RNF215: variants seen among roughly 807,000 people sequenced by gnomAD.
RNF215 encodes the protein ring finger protein 215.
RNF215 carries 41 observed loss-of-function variants against 44.8 expected under a neutral mutation model. That is an observed-to-expected ratio of 0.92 (90% CI 0.71 to 1.19). The LOEUF (loss-of-function observed/expected upper bound fraction) is 1.19, where lower values mean the gene tolerates loss of function less well. Among genes scored for constraint, RNF215 ranks in the 50% most tolerant of loss-of-function variants. The pLI, the probability that RNF215 is intolerant of heterozygous loss-of-function variation, is 0.00. For synonymous variants in RNF215, 218 were observed against 230.1 expected (o/e 0.95, Z 0.48); for missense variants, 452 against 496.2 (o/e 0.91, Z 0.85).
chr22:30,379,924 C>T (rs1469833602), intron 7 of RNF215, 111 bp from the exon 8 acceptor site: 4 of 1,522,956 alleles, frequency 2.6e-6, no homozygotes, highest in Non-Finnish European at 2.7e-6. Context: ...CACGGCTTCC[C>T]CCACCCCCCT....
intron 5 of RNF215, among the ~76,000 whole-genome samples, chr22:30,383,319 C>T (rs1390546835): frequency 6.6e-6 from 1 of 152,176 alleles, no homozygotes; most frequent in African/African-American, 2.4e-5. Context: ...CAGCCAGACC[C>T]ACCTGCAGAC....
intron 1 of RNF215, 128 bp from the exon 2 acceptor site, chr22:30,386,887 G>A: frequency 1.4e-6 from 2 of 1,479,154 alleles, no homozygotes; most frequent in Non-Finnish European, 1.8e-6. Context: ...AAGCCGGAAT[G>A]CTGGGGGCCT....
At chr22:30,381,233 C>T (rs1933525741) in intron 5 of RNF215, among the ~76,000 whole-genome samples, 1 of 152,230 alleles carries the variant, frequency 6.6e-6, no homozygotes, top group Non-Finnish European at 1.5e-5. Flanking sequence ...TTGCAGCTGC[C>T]CTTGGGGGTC....
rs1933607416 is a variant in RNF215 at position 30,386,817 on chromosome 22, G to C, written c.286-58C>G. 3 of 1,561,850 alleles carry C rather than the reference G, an allele frequency of 1.9e-6. No individual in the cohort carries two copies. The African/African-American group carries it at 4.0e-5, about 21-fold the overall frequency. ...TAGGGTGTGGTGGGGGAGGGAGCCG[G>C]GGTCATCACAGTGGATGCCAAGGCC... On this transcript the variant is annotated intron_variant, in intron 1 of 8. Coordinates refer to ENST00000382363, the MANE Select transcript of RNF215 (RefSeq NM_001017981.2).
rs988567507 is a variant in RNF215 at position 30,384,613 on chromosome 22, C to T, written c.588-118G>A. The T allele has an allele frequency of 4.6e-6, 4 of 862,106 alleles. No homozygotes were observed. The South Asian group carries it at 7.1e-5, about 15-fold the overall frequency. 53.4% of individuals were successfully genotyped at this position (862,106 alleles called of 1,614,324 possible). A position where few individuals can be genotyped will look rare whatever the true frequency, so the allele number is the denominator to read the frequency against. On this transcript the variant is annotated intron_variant, in intron 4 of 8. Transcript: ENST00000382363. ...ACGACTGTCGCCCCTGCTGGCCTTA[C>T]ACTTTGCCCCAGGCCTTTTCCCTCT...
chr22:30,380,463 T>G lies in RNF215; in HGVS notation c.745-62A>C. Reference sequence around the variant, plus strand: ...CCCCCACACGCCTCCCTTAGGAACATCTACCCCCAGGAACGCCAGGGAGCA... The same window carrying G: ...CCCCCACACGCCTCCCTTAGGAACAGCTACCCCCAGGAACGCCAGGGAGCA... On this transcript the variant is annotated intron_variant, in intron 5 of 8. Transcript: ENST00000382363. This position sits in a 1 kb window ranked among gnomAD's most constrained non-coding sequence, Gnocchi z 5.3. 6.5e-7 allele frequency: 1 copy of G among 1,531,526 alleles called. No individual in the cohort carries two copies. The highest frequency in any genetic ancestry group is 8.8e-7 in the Non-Finnish European group (1 of 1,138,322). 94.9% of individuals were successfully genotyped at this position (1,531,526 alleles called of 1,614,324 possible).
In RNF215 at chr22:30,387,308, GC is replaced by G; in HGVS notation, c.5del (p.Gly2AlafsTer8). 9.4e-7 allele frequency: 1 copy of G among 1,064,446 alleles called. No individual in the cohort carries two copies. The highest frequency in any genetic ancestry group is 1.1e-6 in the Non-Finnish European group (1 of 882,904). The allele number at this position is 1,064,446 out of a possible 1,614,324, so 65.9% of individuals were successfully genotyped here. ...ATCTCAGCGCGGGGCGAGCGGCGGGGCCCATGGCCGGACCCGGCGAGCTGGC... is the reference window on the plus strand; with the variant it reads ...ATCTCAGCGCGGGGCGAGCGGCGGGGCCATGGCCGGACCCGGCGAGCTGGC... M[G>X]PAARPALRSP... On this transcript the variant is annotated frameshift_variant, in exon 1 of 9. Transcript: ENST00000382363. LOFTEE classifies it high-confidence loss of function.
chr22:30,384,544 A>G (rs749802748), intron 4 of RNF215, 49 bp from the exon 5 acceptor site: 1 of 1,571,004 alleles, frequency 6.4e-7, no homozygotes, highest in Non-Finnish European at 8.7e-7. Context: ...TTGGGAAGGG[A>G]GGCCCAGACC....
chr22:30,380,378 G>A lies in RNF215; in HGVS notation c.768C>T (p.Asn256=), dbSNP rs146081853. The part of the protein sequence containing the change: ...QEQKPLQQLW[N]AILLVAMLLC... The stretch of plus-strand genomic sequence containing the variant: ...GGAGCATGGCCACCAGCAGGATGGC[G>A]TTCCACAGCTGCTGCAGGGGTTTCT... The change falls in exon 6 of 9, where the codon AAC becomes AAT. Residue 256 remains asparagine (N), a synonymous_variant. Transcript: ENST00000382363. This position sits in a 1 kb window ranked among gnomAD's most constrained non-coding sequence, Gnocchi z 5.3. The A allele has an allele frequency of 4.3e-5, 69 of 1,608,314 alleles. No homozygotes were observed. Among genetic ancestry groups the A allele is most frequent in the Non-Finnish European group, 5.3e-5 (62 of 1,176,626 alleles).
At chr22:30,386,800 G>GACA in intron 1 of RNF215, 41 bp from the exon 2 acceptor site, 1 of 1,581,954 alleles carries the variant, frequency 6.3e-7, no homozygotes, top group Non-Finnish European at 8.6e-7. Flanking sequence ...GGTAGGGTGT[G>GACA]GTGGGGGAGG....
intron 5 of RNF215, among the ~76,000 whole-genome samples, chr22:30,381,504 G>A (rs1401725394): frequency 2.6e-5 from 4 of 152,194 alleles, no homozygotes; most frequent in East Asian, 1.9e-4. Flanking sequence ...ATGGCGCAGC[G>A]GAGTAAGCAA....
intron 4 of RNF215, 48 bp downstream of exon 4, chr22:30,385,856 G>T (rs543626516): frequency 4.0e-5 from 63 of 1,561,768 alleles, no homozygotes; most frequent in Admixed American, 6.7e-5. Flanking sequence ...AGAACCAGGG[G>T]CTCTCTGTAC....
intron 1 of RNF215, 96 bp from the exon 2 acceptor site, chr22:30,386,855 G>C: frequency 1.3e-6 from 2 of 1,507,222 alleles, no homozygotes; most frequent in Admixed American, 4.1e-5. Flanking sequence ...AGTTCCCAGA[G>C]CATCTGGCTC....
At position 30,378,879 on chromosome 22, in the gene RNF215, TAAAAAAAAA is replaced by T. The variant is rs397769011; in HGVS notation, c.*712_*720del. The T allele has an allele frequency of 8.8e-6, 1 of 113,182 alleles. No homozygotes were observed. Among genetic ancestry groups the T allele is most frequent in the African/African-American group, 3.4e-5 (1 of 29,272 alleles). 7.0% of individuals were successfully genotyped at this position (113,182 alleles called of 1,614,324 possible). A position where few individuals can be genotyped will look rare whatever the true frequency, so the allele number is the denominator to read the frequency against. On this transcript the variant is annotated 3_prime_UTR_variant, in exon 9 of 9. Coordinates refer to ENST00000382363, the MANE Select transcript of RNF215 (RefSeq NM_001017981.2). ...TTAAACCTTCCCTACTCCAACTCTT[TAAAAAAAAA>T]AAAAAAAAAAAAAAAGGATGCCCCT...
chr22:30,380,079 A>G lies in RNF215; in HGVS notation c.991T>C (p.Tyr331His). Residue 331 changes from tyrosine (Y) to histidine (H), a missense_variant, in exon 7 of 9, where the codon TAC (tyrosine) becomes CAC (histidine). Tyr to His is a moderately conservative substitution (Grantham distance 83, BLOSUM62 2). Coordinates refer to ENST00000382363, the MANE Select transcript of RNF215 (RefSeq NM_001017981.2). The surrounding 1 kb of genome is among the most constrained non-coding windows in gnomAD (Gnocchi z 5.3). ...GAETCAVCLD[Y>H]FCNKQWLRVL... ...GCACTAGCCTGTTTGTTGCAGAAGT[A>G]GTCCAGGCACACCGCACAGGTCTCA... 6.2e-7 allele frequency: 1 copy of G among 1,613,874 alleles called. No individual in the cohort carries two copies. Among genetic ancestry groups the G allele is most frequent in the South Asian group, 1.1e-5 (1 of 91,076 alleles).
At chr22:30,385,715 G>A (rs1380816166) in intron 4 of RNF215, among the ~76,000 whole-genome samples, 189 bp downstream of exon 4, 1 of 151,350 alleles carries the variant, frequency 6.6e-6, no homozygotes, top group African/African-American at 2.4e-5. Context: ...AACCTGGAAG[G>A]CAGAGGTTCC....
rs771023710 is a variant in RNF215 at position 30,380,035 on chromosome 22, T to C, written c.1008+27A>G. The C allele has an allele frequency of 6.2e-7, 1 of 1,612,708 alleles. No homozygotes were observed. The highest frequency in any genetic ancestry group is 8.5e-7 in the Non-Finnish European group (1 of 1,179,058). On this transcript the variant is annotated intron_variant, in intron 7 of 8. Transcript: ENST00000382363. This position sits in a 1 kb window ranked among gnomAD's most constrained non-coding sequence, Gnocchi z 5.3. ...GTGGGAGGCATCACAGGTGAGCTGA[T>C]GGCTGGTCTCTACCCGGGGCACTAG...
intron 4 of RNF215, among the ~76,000 whole-genome samples, chr22:30,385,145 G>C (rs1303645429): frequency 2.6e-5 from 4 of 152,112 alleles, no homozygotes; most frequent in African/African-American, 7.2e-5. Flanking sequence ...CAGTTGGCTG[G>C]GTACGGTGGC....
intron 5 of RNF215, among the ~76,000 whole-genome samples, chr22:30,383,567 G>A (rs976170866): frequency 1.3e-5 from 2 of 152,214 alleles, no homozygotes; most frequent in Non-Finnish European, 2.9e-5. Context: ...AACACCTGCT[G>A]GAGGCTGTAC....
Sources: allele counts gnomAD v4.1 joint callset (sites outside exome capture counted in the v4.1 genomes callset), GRCh38; gene constraint gnomAD v4.1.1; non-coding constraint Gnocchi (gnomAD v3.1); transcripts MANE v1.5; gene names NCBI Gene and HGNC (gene_info 2026-07-23, HGNC 2026-07-21).